The following GRAMD1C variants were observed in gnomAD, a reference collection of about 807,000 sequenced individuals.
GRAMD1C encodes the protein protein Aster-C.
GRAMD1C carries 89 observed loss-of-function variants against 97.8 expected under a neutral mutation model. The ratio of observed to expected loss-of-function variants is 0.91; its 90% CI spans 0.77 to 1.09. The LOEUF is 1.09. Among genes scored for constraint, GRAMD1C ranks in the 50% least tolerant of loss-of-function variants. The pLI is 0.00. For synonymous variants in GRAMD1C, 256 were observed against 267.0 expected (o/e 0.96, Z 0.40); for missense variants, 740 against 766.4 (o/e 0.97, Z 0.41).
chr3:113,922,112 C>T (rs1937081295), intron 10 of GRAMD1C, among the ~76,000 whole-genome samples: 3 of 151,858 alleles, frequency 2.0e-5, no homozygotes, highest in South Asian at 2.1e-4. Flanking sequence ...CTCACTGTGT[C>T]ACCCAGGCTG....
At chr3:113,931,600 G>A (rs985924099) in intron 11 of GRAMD1C, among the ~76,000 whole-genome samples, 5 of 151,888 alleles carry the variant, frequency 3.3e-5, no homozygotes, top group African/African-American at 1.2e-4. Context: ...CTCATGATCC[G>A]CCTGCCTCAA....
intron 2 of GRAMD1C, among the ~76,000 whole-genome samples, chr3:113,857,788 G>A (rs1039910715): frequency 3.3e-5 from 5 of 152,148 alleles, no homozygotes; most frequent in African/African-American, 1.2e-4. Flanking sequence ...TGTCAATATG[G>A]TGGGTTACAT....
chr3:113,832,698 T>C (rs777666942), intron 1 of GRAMD1C, among the ~76,000 whole-genome samples: 3 of 152,158 alleles, frequency 2.0e-5, no homozygotes. Flanking sequence ...TTTTGTAAAG[T>C]TTGTATTCTT....
intron 4 of GRAMD1C, 71 bp from the exon 5 acceptor site, chr3:113,876,094 A>T: frequency 1.4e-6 from 1 of 732,716 alleles, no homozygotes; most frequent in Non-Finnish European, 2.4e-6. Flanking sequence ...GATTAGATTG[A>T]TGGGATACTT....
intron 2 of GRAMD1C, among the ~76,000 whole-genome samples, chr3:113,868,909 A>C (rs1934686576): frequency 6.6e-6 from 1 of 152,048 alleles, no homozygotes; most frequent in East Asian, 1.9e-4. Context: ...GATCTTTCTA[A>C]GCTCCTTGCT....
At chr3:113,893,995 A>C (rs960552890) in intron 6 of GRAMD1C, among the ~76,000 whole-genome samples, 1 of 152,158 alleles carries the variant, frequency 6.6e-6, no homozygotes, top group Non-Finnish European at 1.5e-5. Context: ...TATTTAATTC[A>C]ATTTCTTTAA....
chr3:113,898,652 T>C (rs1401657201), intron 6 of GRAMD1C, among the ~76,000 whole-genome samples: 3 of 152,126 alleles, frequency 2.0e-5, no homozygotes, highest in Non-Finnish European at 2.9e-5. Flanking sequence ...CATTAAATAA[T>C]AAATATTAAA....
chr3:113,889,969 G>A (rs1935653620), intron 6 of GRAMD1C, among the ~76,000 whole-genome samples: 1 of 152,108 alleles, frequency 6.6e-6, no homozygotes, highest in South Asian at 2.1e-4. Context: ...TGGCAGGTGG[G>A]AACTTAGCCT....
At chr3:113,870,295 G>C (rs1033531329) in intron 3 of GRAMD1C, among the ~76,000 whole-genome samples, 7 of 151,986 alleles carry the variant, frequency 4.6e-5, no homozygotes, top group African/African-American at 1.7e-4. Flanking sequence ...CCAGGAATTG[G>C]AGACTGCAGT....
chr3:113,921,650 A>G (rs1423538301), intron 10 of GRAMD1C, among the ~76,000 whole-genome samples: 1 of 152,154 alleles, frequency 6.6e-6, no homozygotes, highest in Non-Finnish European at 1.5e-5. Context: ...AATAATAGCC[A>G]TTCTGTCTGG....
chr3:113,860,452 ACTT>A lies in GRAMD1C; in HGVS notation c.175-9052_175-9050del, dbSNP rs553366546. ...GCTTAATGTTGTTAATGATGGCAATACTTCTCAGACTAATCTACAGATTCAACA... is the reference window on the plus strand; with the variant it reads ...GCTTAATGTTGTTAATGATGGCAATACTCAGACTAATCTACAGATTCAACA... On this transcript the variant is annotated intron_variant, in intron 2 of 17. Transcript: ENST00000358160. 1.3e-4 allele frequency among the ~76,000 whole-genome samples: 20 copies of A among 152,340 alleles called. No homozygotes were observed. In the South Asian group the frequency reaches 3.3e-3, roughly 25 times the overall value.
intron 1 of GRAMD1C, among the ~76,000 whole-genome samples, chr3:113,841,690 T>C (rs961301953): frequency 2.0e-5 from 3 of 152,034 alleles, no homozygotes; most frequent in Admixed American, 6.6e-5. Context: ...TGGTGGTCCA[T>C]AGGGTCTCAC....
intron 6 of GRAMD1C, among the ~76,000 whole-genome samples, chr3:113,899,760 G>C (rs3846047): frequency 0.26 from 39,806 of 151,912 alleles, 6,021 homozygotes; most frequent in East Asian, 0.42. Flanking sequence ...TAATAATACT[G>C]TTTTTGTTTT....
chr3:113,833,094 CTTTT>C (rs1348634839), intron 1 of GRAMD1C, among the ~76,000 whole-genome samples: 3 of 146,130 alleles, frequency 2.1e-5, no homozygotes, highest in Non-Finnish European at 4.5e-5. Context: ...CAAATTTTTT[CTTTT>C]CTTTTCTTTC....
chr3:113,837,457 C>T (rs1199047781), upstream of GRAMD1C, among the ~76,000 whole-genome samples: 1 of 152,162 alleles, frequency 6.6e-6, no homozygotes, highest in African/African-American at 2.4e-5. Context: ...ATATTTTGGG[C>T]AGACCTAATA....
chr3:113,922,725 G>T (rs1057014550), intron 10 of GRAMD1C, among the ~76,000 whole-genome samples: 3 of 152,076 alleles, frequency 2.0e-5, no homozygotes, highest in Non-Finnish European at 4.4e-5. Context: ...CTCCAGCTTT[G>T]TTCTTTTTGC....
At chr3:113,928,751 A>T (rs1937313793) in intron 10 of GRAMD1C, among the ~76,000 whole-genome samples, 1 of 152,204 alleles carries the variant, frequency 6.6e-6, no homozygotes, top group African/African-American at 2.4e-5. Flanking sequence ...GATTTAATAC[A>T]CTTAGCATAA....
At chr3:113,881,778 T>C (rs1416000282) in intron 5 of GRAMD1C, among the ~76,000 whole-genome samples, 1 of 152,216 alleles carries the variant, frequency 6.6e-6, no homozygotes, top group Non-Finnish European at 1.5e-5. Context: ...CATGTATTGA[T>C]TGTTAGATCA....
chr3:113,939,955 G>C lies in GRAMD1C; in HGVS notation c.1761G>C (p.Gln587His). 6.2e-7 allele frequency: 1 copy of C among 1,609,092 alleles called. No homozygotes were observed. The highest frequency in any genetic ancestry group is 8.5e-7 in the Non-Finnish European group (1 of 1,175,434). Residue 587 changes from glutamine to histidine, a missense_variant, in exon 16 of 18, where the codon CAG becomes CAC. By Grantham distance (24) the Gln-to-His change is conservative. Coordinates refer to ENST00000358160, the MANE Select transcript of GRAMD1C (RefSeq NM_017577.5). ...TGTCAAAGATAGAACATGCTGCTCAGTCCTTTTACCGTCTCCGCCTCCAAG... is the reference window on the plus strand; with the variant it reads ...TGTCAAAGATAGAACATGCTGCTCACTCCTTTTACCGTCTCCGCCTCCAAG... Reference protein sequence around the residue: ...LKLSKIEHAAQSFYRLRLQEE... With the variant: ...LKLSKIEHAAHSFYRLRLQEE...
Sources: gnomAD v4.1 joint callset for allele counts (sites outside exome capture counted in the v4.1 genomes callset) on GRCh38, gnomAD v4.1.1 for gene constraint, MANE v1.5 for transcripts, NCBI Gene and HGNC (gene_info 2026-07-23, HGNC 2026-07-21) for gene names.